Variants in ANO1 observed in about 807,000 individuals in gnomAD.
ANO1 encodes the protein anoctamin-1.
A neutral mutation model predicts 124.0 loss-of-function variants in ANO1; 59 were observed. The observed-to-expected ratio is 0.48, with a 90% confidence interval of 0.39 to 0.59. ANO1 has a LOEUF of 0.59. Among genes scored for constraint, ANO1 ranks in the 20% least tolerant of loss-of-function variants. The pLI is 0.00. For missense variants in ANO1, 1,059 were observed against 1,328.0 expected (o/e 0.80, Z 3.15); for synonymous variants, 529 against 532.0 (o/e 0.99, Z 0.08).
chr11:69,966,821 G>A, the ANO1 span, among the ~76,000 whole-genome samples: 2 of 152,202 alleles, frequency 1.3e-5, no homozygotes, highest in Admixed American at 1.3e-4. Context: ...GTTGATTGAG[G>A]GCAAGAGAGG....
chr11:70,068,512 G>A (rs1220287377), intron 1 of ANO1, among the ~76,000 whole-genome samples: 3 of 152,182 alleles, frequency 2.0e-5, no homozygotes, highest in African/African-American at 7.2e-5. Flanking sequence ...TAACAGATGC[G>A]GGGAAGCAGT....
At chr11:70,109,129 A>G (rs2135393833) in intron 6 of ANO1, among the ~76,000 whole-genome samples, 1 of 152,226 alleles carries the variant, frequency 6.6e-6, no homozygotes, top group African/African-American at 2.4e-5. Context: ...GCCATAGGGT[A>G]GCATCCATCA....
At chr11:70,120,739 A>G (rs1464009107) in intron 8 of ANO1, among the ~76,000 whole-genome samples, 1 of 152,174 alleles carries the variant, frequency 6.6e-6, no homozygotes, top group East Asian at 1.9e-4. Context: ...CCATGTCACC[A>G]AGGGCCGGTG....
chr11:70,028,927 G>A (rs563356664), intron 1 of ANO1, among the ~76,000 whole-genome samples: 129 of 152,162 alleles, frequency 8.5e-4, no homozygotes, highest in Non-Finnish European at 1.2e-3. Context: ...GAAGACAGGC[G>A]CCCACCATCA....
chr11:70,068,091 G>A (rs782683632), intron 1 of ANO1, among the ~76,000 whole-genome samples: 71 of 152,228 alleles, frequency 4.7e-4, no homozygotes, highest in Admixed American at 8.5e-4. Context: ...CCTCGTATTG[G>A]AGAAGGCGGG....
In ANO1 at chr11:70,129,516, C is replaced by T. The variant is rs571926263; in HGVS notation, c.1098-2403C>T. On this transcript the variant is annotated intron_variant, in intron 10 of 25. Coordinates refer to ENST00000355303, the MANE Select transcript of ANO1 (RefSeq NM_018043.7). The stretch of plus-strand genomic sequence containing the variant: ...ACTCACCCTGCCCGACCCCTGCTCC[C>T]ATGCACACACACACACTTCCTCCAT... The T allele has an allele frequency of 4.6e-5, 7 of 152,360 alleles. No individual in the cohort carries two copies. The South Asian group carries it at 1.0e-3, about 23-fold the overall frequency. The allele number at this position is 152,360 out of a possible 1,614,324, so 9.4% of individuals were successfully genotyped here.
Position 70,040,041 on chromosome 11 carries a change from G to A in ANO1, c.59-38501G>A, listed in dbSNP as rs1235830795. 2.0e-5 allele frequency among the ~76,000 whole-genome samples: 3 copies of A among 152,010 alleles called. No homozygotes were observed. The East Asian group carries it at 5.8e-4, about 29-fold the overall frequency. On this transcript the variant is annotated intron_variant, in intron 1 of 27. Coordinates refer to the ANO1 transcript ENST00000531349. ...CTGGACCAAATTAATGTCGATCCTG[G>A]GTATTCTCTTCTCAAAGGAAGAGTG... is the stretch of plus-strand genomic sequence containing the variant.
chr11:70,087,727 T>C, intron 1 of ANO1, 25 bp from the exon 2 acceptor site: 2 of 1,554,422 alleles, frequency 1.3e-6, no homozygotes, highest in Non-Finnish European at 8.7e-7. Context: ...CGATGGTGAA[T>C]GGGTGTCTTT....
chr11:69,973,209 C>G, the ANO1 span, among the ~76,000 whole-genome samples: 1 of 152,064 alleles, frequency 6.6e-6, no homozygotes, highest in African/African-American at 2.4e-5. Flanking sequence ...GCGCCCAGCT[C>G]TGGCATCTCA....
At chr11:69,978,167 G>C in the ANO1 span, among the ~76,000 whole-genome samples, 1 of 152,184 alleles carries the variant, frequency 6.6e-6, no homozygotes, top group Admixed American at 6.5e-5. Flanking sequence ...GAGCTGTGCT[G>C]TCCTGGTTTC....
intron 1 of ANO1, among the ~76,000 whole-genome samples, chr11:69,998,941 T>C (rs1448784111): frequency 1.3e-5 from 2 of 150,508 alleles, no homozygotes; most frequent in African/African-American, 2.5e-5. Flanking sequence ...AGAGCAAAAC[T>C]CTGTTTGAAA....
At chr11:70,146,641 A>G (rs1236607154) in intron 11 of ANO1, among the ~76,000 whole-genome samples, 2 of 152,284 alleles carry the variant, frequency 1.3e-5, no homozygotes, top group Non-Finnish European at 2.9e-5. Context: ...GCTGTCTGCA[A>G]GTGGAGGAGA....
chr11:70,027,853 C>G (rs1856936085), intron 1 of ANO1, among the ~76,000 whole-genome samples: 1 of 152,112 alleles, frequency 6.6e-6, no homozygotes, highest in Non-Finnish European at 1.5e-5. Flanking sequence ...AAGCTGCCAC[C>G]ACGGAGGCGC....
chr11:70,187,827 G>A lies in ANO1; in HGVS notation c.2784G>A (p.Val928=), dbSNP rs575767380. Residue 928 remains valine, a synonymous_variant, in exon 26 of 26, where the codon GTG becomes GTA. Transcript: ENST00000355303. Reference sequence around the variant, plus strand: ...GCCAGCAGATCCACAAGGAGAAGGTGCTCATGGTGGAGCTGTTCATGCGGG... The same window carrying A: ...GCCAGCAGATCCACAAGGAGAAGGTACTCATGGTGGAGCTGTTCATGCGGG... ...DISQQIHKEK[V]LMVELFMREE... 6.2e-7 allele frequency: 1 copy of A among 1,609,124 alleles called. No homozygotes were observed. Among genetic ancestry groups the A allele is most frequent in the East Asian group, 2.2e-5 (1 of 44,750 alleles).
rs775302216 is a variant in ANO1, at chr11:70,087,744, A to T, written c.109-8A>T. On this transcript the variant is annotated splice_polypyrimidine_tract_variant and splice_region_variant and intron_variant, in intron 1 of 25. Transcript: ENST00000355303. Reference sequence around the variant, plus strand: ...ATGGTGAATGGGTGTCTTTTCTTCCACCCTTAGCTGCTGAACTCCTTATCT... The same window carrying T: ...ATGGTGAATGGGTGTCTTTTCTTCCTCCCTTAGCTGCTGAACTCCTTATCT... The T allele has an allele frequency of 2.5e-6, 4 of 1,576,652 alleles. No individual in the cohort carries two copies. In the East Asian group the frequency reaches 9.0e-5, roughly 36 times the overall value.
intron 1 of ANO1, among the ~76,000 whole-genome samples, chr11:69,992,655 C>T (rs1166803487): frequency 6.6e-6 from 1 of 152,174 alleles, no homozygotes; most frequent in African/African-American, 2.4e-5. Context: ...TCAGCTGCTG[C>T]CTCCCTAGCT....
At chr11:70,049,613 C>T (rs1857318171) in intron 1 of ANO1, among the ~76,000 whole-genome samples, 1 of 152,142 alleles carries the variant, frequency 6.6e-6, no homozygotes, top group African/African-American at 2.4e-5. Context: ...GATAACTATT[C>T]CAGGAAGTGA....
At chr11:70,033,058 C>CATCTTGTG (rs1857031257) in intron 1 of ANO1, among the ~76,000 whole-genome samples, 1 of 152,180 alleles carries the variant, frequency 6.6e-6, no homozygotes, top group Admixed American at 6.5e-5. Flanking sequence ...CCTTTAACGA[C>CATCTTGTG]ATCTTGTGAT....
At chr11:70,002,461 C>CAAAAA (rs56246522) in intron 1 of ANO1, among the ~76,000 whole-genome samples, 13 of 94,960 alleles carry the variant, frequency 1.4e-4, no homozygotes, top group Admixed American at 2.7e-4. Flanking sequence ...GAGACTCCAC[C>CAAAAA]AAAAAAAAAA....
Sources: allele counts gnomAD v4.1 joint callset (sites outside exome capture counted in the v4.1 genomes callset), GRCh38; gene constraint gnomAD v4.1.1; transcripts MANE v1.5; gene names NCBI Gene and HGNC (gene_info 2026-07-23, HGNC 2026-07-21).